IRAG1: variants seen among roughly 807,000 people sequenced by gnomAD.
IRAG1 encodes the protein IP3R-associated cGMP kinase substrate.
Under a neutral mutation model 106.2 loss-of-function variants are expected in IRAG1, and 62 were observed. The observed-to-expected ratio is 0.58, with a 90% CI of 0.48 to 0.72. IRAG1 has a LOEUF of 0.72. Among genes scored for constraint, IRAG1 ranks in the 30% least tolerant of loss-of-function variants. IRAG1 has a pLI of 0.00. For synonymous variants in IRAG1, 462 were observed against 443.9 expected (o/e 1.04, Z -0.51); for missense variants, 1,064 against 1,140.7 (o/e 0.93, Z 0.97).
intron 1 of IRAG1, among the ~76,000 whole-genome samples, chr11:10,669,698 A>G (rs1051090980): frequency 1.2e-4 from 18 of 152,204 alleles, no homozygotes; most frequent in Non-Finnish European, 1.8e-4. Flanking sequence ...CTTTGGGAGC[A>G]GCAGTCCACC....
chr11:10,626,432 G>C lies in IRAG1; in HGVS notation c.902C>G (p.Thr301Ser). The change falls in exon 9 of 21, where the codon ACC (threonine) becomes AGC (serine). Residue 301 changes from threonine to serine, a missense_variant. By Grantham distance (58) the Thr-to-Ser change is moderately conservative (BLOSUM62 1). Transcript: ENST00000423302. ...AACAGGAGCTAGGCCTTTGGGTGTGGTCTCGGGGTACTGGAGGGGATCGAA... is the reference window on the plus strand; with the variant it reads ...AACAGGAGCTAGGCCTTTGGGTGTGCTCTCGGGGTACTGGAGGGGATCGAA... ...ENFDPLQYPE[T>S]TPKGLAPVTN... The C allele has an allele frequency of 6.2e-7, 1 of 1,613,932 alleles. No homozygotes were observed. The highest frequency in any genetic ancestry group is 8.5e-7 in the Non-Finnish European group (1 of 1,179,856).
intron 1 of IRAG1, among the ~76,000 whole-genome samples, chr11:10,666,389 A>G (rs1411057919): frequency 1.3e-5 from 2 of 152,208 alleles, no homozygotes; most frequent in East Asian, 3.9e-4. Context: ...AGCTCAGGGG[A>G]GCCTGACTCC....
At chr11:10,601,120 A>G in intron 14 of IRAG1, 61 bp from the exon 15 acceptor site, 1 of 1,602,254 alleles carries the variant, frequency 6.2e-7, no homozygotes, top group Non-Finnish European at 8.5e-7. Flanking sequence ...GTTGGCACTT[A>G]TTTGCTCTGA....
At chr11:10,605,441 A>G (rs893961919) in intron 12 of IRAG1, among the ~76,000 whole-genome samples, 2 of 151,014 alleles carry the variant, frequency 1.3e-5, no homozygotes, top group Non-Finnish European at 2.9e-5. Flanking sequence ...AATATTGAAA[A>G]CTACTCCTTA....
Position 10,628,630 on chromosome 11 carries a change from G to A in IRAG1, c.652+121C>T. ...AGAGGGGTCTTGCTCTGGGTGTGAA[G>A]GGGCCATCAGAGTTCTTGAAGGGGA... On this transcript the variant is annotated intron_variant, in intron 6 of 20. Transcript: ENST00000423302. This position sits in a 1 kb window ranked among gnomAD's most constrained non-coding sequence, Gnocchi z 4.1. The A allele has an allele frequency of 2.5e-6, 2 of 814,232 alleles. No individual in the cohort carries two copies. The highest frequency in any genetic ancestry group is 1.8e-6 in the Non-Finnish European group (1 of 541,684). 50.4% of individuals were successfully genotyped at this position (814,232 alleles called of 1,614,324 possible). A position where few individuals can be genotyped will look rare whatever the true frequency, so the allele number is the denominator to read the frequency against.
chr11:10,620,126 AT>A (rs1205854764), intron 10 of IRAG1, among the ~76,000 whole-genome samples: 1 of 152,184 alleles, frequency 6.6e-6, no homozygotes, highest in African/African-American at 2.4e-5. Flanking sequence ...GAAAAAACAG[AT>A]TTCTATAAAG....
intron 1 of IRAG1, among the ~76,000 whole-genome samples, chr11:10,685,721 C>T (rs1172290657): frequency 2.2e-5 from 2 of 92,808 alleles, no homozygotes; most frequent in African/African-American, 3.7e-5. Context: ...GACCCTGCCT[C>T]TCTTGAAAAA....
intron 2 of IRAG1, among the ~76,000 whole-genome samples, chr11:10,636,046 A>G (rs559507167): frequency 1.3e-5 from 2 of 152,350 alleles, no homozygotes; most frequent in East Asian, 3.9e-4. Context: ...GAAGGGTCAG[A>G]CAAACCTGGG....
chr11:10,611,836 G>A (rs1019469157), intron 10 of IRAG1: 6 of 152,244 alleles, frequency 3.9e-5, no homozygotes, highest in Admixed American at 2.0e-4. Context: ...GCAGTTGTCA[G>A]AGGAGATTCA....
chr11:10,643,399 G>A (rs1054338543), intron 2 of IRAG1, among the ~76,000 whole-genome samples: 1 of 152,132 alleles, frequency 6.6e-6, no homozygotes, highest in African/African-American at 2.4e-5. Context: ...GGCCTGCTCT[G>A]CCTCTGGTGG....
chr11:10,586,013 C>T (rs1210557418), intron 18 of IRAG1: 1 of 152,140 alleles, frequency 6.6e-6, no homozygotes, highest in Non-Finnish European at 1.5e-5. Context: ...ATCCCCCTGC[C>T]TTTCTTTCAA....
intron 18 of IRAG1, among the ~76,000 whole-genome samples, chr11:10,583,856 G>A (rs1025902466): frequency 2.6e-5 from 4 of 152,106 alleles, no homozygotes; most frequent in African/African-American, 7.2e-5. Context: ...GGCTCCTATG[G>A]GAATGTAGCT....
chr11:10,676,074 T>A (rs1340920161), intron 1 of IRAG1, among the ~76,000 whole-genome samples: 1 of 152,246 alleles, frequency 6.6e-6, no homozygotes, highest in Non-Finnish European at 1.5e-5. Flanking sequence ...GCCTAGAGAA[T>A]CGTGATTTGA....
chr11:10,608,101 C>T (rs1044642563), intron 11 of IRAG1, among the ~76,000 whole-genome samples: 1 of 151,896 alleles, frequency 6.6e-6, no homozygotes, highest in African/African-American at 2.4e-5. Flanking sequence ...TAGAACACAC[C>T]CACCTTATTT....
intron 1 of IRAG1, chr11:10,690,234 G>C: frequency 2.7e-6 from 1 of 371,168 alleles, no homozygotes; most frequent in Non-Finnish European, 4.9e-6. Context: ...TACTAAAAAT[G>C]TAAAAATTAG....
intron 1 of IRAG1, among the ~76,000 whole-genome samples, chr11:10,660,062 A>C (rs1194573225): frequency 6.6e-6 from 1 of 152,152 alleles, no homozygotes; most frequent in Non-Finnish European, 1.5e-5. Flanking sequence ...GCCTCCCCAC[A>C]TGGGTGACTT....
intron 10 of IRAG1, 51 bp downstream of exon 10, chr11:10,623,727 C>A: frequency 6.5e-7 from 1 of 1,545,280 alleles, no homozygotes; most frequent in South Asian, 1.1e-5. Context: ...CTTGATCTGG[C>A]ACAGACAAAT....
chr11:10,625,999 G>C lies in IRAG1; in HGVS notation c.1335C>G (p.Pro445=). 6.7e-7 allele frequency: 1 copy of C among 1,497,644 alleles called. No homozygotes were observed. The highest frequency in any genetic ancestry group is 8.9e-7 in the Non-Finnish European group (1 of 1,123,410). 92.8% of individuals were successfully genotyped at this position (1,497,644 alleles called of 1,614,324 possible). Residue 445 remains proline (P), a synonymous_variant, in exon 9 of 21, where the codon CCC becomes CCG. Coordinates refer to ENST00000423302, the MANE Select transcript of IRAG1 (RefSeq NM_130385.4). ...GLKDFQIQVQ[P]VRMQKLTKLR... Reference sequence around the variant, plus strand: ...GCTTGGTCAGTTTCTGCATCCGCACGGGCTGCACTTGTATCTGAAAGTCTT... The same window carrying C: ...GCTTGGTCAGTTTCTGCATCCGCACCGGCTGCACTTGTATCTGAAAGTCTT...
chr11:10,630,486 C>G (rs1277780520), intron 4 of IRAG1, among the ~76,000 whole-genome samples: 1 of 152,090 alleles, frequency 6.6e-6, no homozygotes, highest in East Asian at 1.9e-4. Flanking sequence ...ATTCTCCTGC[C>G]TCAGCCTCGC....
Sources: allele counts gnomAD v4.1 joint callset (sites outside exome capture counted in the v4.1 genomes callset), GRCh38; gene constraint gnomAD v4.1.1; non-coding constraint Gnocchi (gnomAD v3.1); transcripts MANE v1.5; gene names NCBI Gene and HGNC (gene_info 2026-07-23, HGNC 2026-07-21).